Variants in GOLPH3L observed in about 807,000 individuals in gnomAD.
GOLPH3L encodes golgi phosphoprotein 3 like, also known as Golgi phosphoprotein 3-like.
A neutral mutation model predicts 30.3 loss-of-function variants in GOLPH3L; 22 were observed. The observed-to-expected ratio is 0.73, with a 90% confidence interval of 0.52 to 1.04. The LOEUF (loss-of-function observed/expected upper bound fraction) is 1.04. GOLPH3L is among the 50% of genes least tolerant of loss of function. The pLI is 0.00. For missense variants in GOLPH3L, 303 were observed against 345.8 expected (o/e 0.88, Z 0.98); for synonymous variants, 120 against 128.2 (o/e 0.94, Z 0.43).
chr1:150,689,345 A>G (rs1651158024), intron 2 of GOLPH3L, among the ~76,000 whole-genome samples: 1 of 152,356 alleles, frequency 6.6e-6, no homozygotes, highest in South Asian at 2.1e-4. Context: ...AAACGATTCT[A>G]ATAAATGAAA....
intron 4 of GOLPH3L, among the ~76,000 whole-genome samples, chr1:150,651,642 C>CAAAAAAAAA (rs59940841): frequency 3.3e-5 from 2 of 60,828 alleles, no homozygotes; most frequent in Non-Finnish European, 3.0e-5. Flanking sequence ...GAGCGAAACT[C>CAAAAAAAAA]AAAAAAAAAA....
At chr1:150,660,968 G>A (rs587666845) in intron 4 of GOLPH3L, among the ~76,000 whole-genome samples, 93 of 152,330 alleles carry the variant, frequency 6.1e-4, no homozygotes, top group African/African-American at 2.0e-3. Flanking sequence ...GGTGGCTCAC[G>A]CCTGTAATCC....
intron 4 of GOLPH3L, among the ~76,000 whole-genome samples, chr1:150,650,005 A>G (rs1650069495): frequency 6.6e-6 from 1 of 152,062 alleles, no homozygotes; most frequent in South Asian, 2.1e-4. Flanking sequence ...AAAAATAAAA[A>G]ATAAAAATAA....
intron 4 of GOLPH3L, among the ~76,000 whole-genome samples, chr1:150,654,298 G>C (rs1182088006): frequency 6.6e-6 from 1 of 151,494 alleles, no homozygotes; most frequent in Non-Finnish European, 1.5e-5. Context: ...CTTGAGGTCA[G>C]GAGTTCAAGA....
chr1:150,683,710 A>C (rs1651017076), intron 2 of GOLPH3L, among the ~76,000 whole-genome samples: 1 of 130,364 alleles, frequency 7.7e-6, no homozygotes, highest in African/African-American at 3.1e-5. Flanking sequence ...AAAAAAAAAA[A>C]AAAAAAAAAA....
At chr1:150,663,165 G>C (rs1481690124) in intron 3 of GOLPH3L, among the ~76,000 whole-genome samples, 1 of 151,798 alleles carries the variant, frequency 6.6e-6, no homozygotes, top group Non-Finnish European at 1.5e-5. Context: ...CTCCCGAGTA[G>C]CTGTGACTAC....
chr1:150,655,969 T>C (rs965795118), intron 4 of GOLPH3L, among the ~76,000 whole-genome samples: 4 of 152,248 alleles, frequency 2.6e-5, no homozygotes, highest in African/African-American at 9.6e-5. Context: ...TTACAATTCC[T>C]GCAGTAAACA....
At chr1:150,660,625 A>T (rs977618961) in intron 4 of GOLPH3L, among the ~76,000 whole-genome samples, 1 of 152,262 alleles carries the variant, frequency 6.6e-6, no homozygotes, top group Middle Eastern at 3.2e-3. Context: ...ATTTTGATAT[A>T]TGCTGTGACA....
chr1:150,654,749 C>A (rs930339262), intron 4 of GOLPH3L, among the ~76,000 whole-genome samples: 9 of 152,196 alleles, frequency 5.9e-5, no homozygotes, highest in African/African-American at 2.2e-4. Context: ...CTGTCCCCCG[C>A]CATAGCAGGT....
intron 2 of GOLPH3L, among the ~76,000 whole-genome samples, chr1:150,669,778 A>G (rs1296515269): frequency 6.6e-6 from 1 of 152,170 alleles, no homozygotes; most frequent in Non-Finnish European, 1.5e-5. Context: ...CCTGGCCAAC[A>G]TGATGAAACC....
rs587612292 is a variant in GOLPH3L, at chr1:150,684,754, G to A, written c.183+9902C>T. Among the ~76,000 whole-genome samples the A allele has an allele frequency of 1.1e-4, 16 of 151,464 alleles. No individual in the cohort carries two copies. In the East Asian group the frequency reaches 1.4e-3, roughly 13 times the overall value. On this transcript the variant is annotated intron_variant, in intron 2 of 4. Coordinates refer to ENST00000271732, the MANE Select transcript of GOLPH3L (RefSeq NM_018178.6). Reference sequence around the variant, plus strand: ...GCGATCTCAGCTCACTGCAAACTCCGCCTCCTGGGTTTAAGCAATTCTCCT... The same window carrying A: ...GCGATCTCAGCTCACTGCAAACTCCACCTCCTGGGTTTAAGCAATTCTCCT...
At chr1:150,653,921 C>T (rs1357567383) in intron 4 of GOLPH3L, among the ~76,000 whole-genome samples, 3 of 151,846 alleles carry the variant, frequency 2.0e-5, no homozygotes, top group African/African-American at 7.3e-5. Context: ...CACCACCACG[C>T]CCAGCTAATT....
intron 1 of GOLPH3L, among the ~76,000 whole-genome samples, chr1:150,695,681 T>C (rs1303257390): frequency 6.6e-6 from 1 of 152,164 alleles, no homozygotes; most frequent in African/African-American, 2.4e-5. Flanking sequence ...TAGAAATACA[T>C]GTTCTATATT....
At chr1:150,654,222 G>T (rs587599495) in intron 4 of GOLPH3L, among the ~76,000 whole-genome samples, 1 of 151,736 alleles carries the variant, frequency 6.6e-6, no homozygotes, top group Non-Finnish European at 1.5e-5. Context: ...AATATACTAG[G>T]GGGGCTGGGC....
intron 2 of GOLPH3L, among the ~76,000 whole-genome samples, chr1:150,668,319 C>T (rs1046935575): frequency 2.6e-5 from 4 of 152,186 alleles, no homozygotes; most frequent in African/African-American, 9.6e-5. Flanking sequence ...ATCTTTGACT[C>T]AAGGTTGGGA....
At chr1:150,691,619 A>G (rs1210302108) in intron 2 of GOLPH3L, among the ~76,000 whole-genome samples, 1 of 152,124 alleles carries the variant, frequency 6.6e-6, no homozygotes, top group East Asian at 1.9e-4. Context: ...CTTCCTAATT[A>G]CTAACACCCT....
At chr1:150,695,752 G>A (rs1285913748) in intron 1 of GOLPH3L, among the ~76,000 whole-genome samples, 4 of 152,024 alleles carry the variant, frequency 2.6e-5, no homozygotes, top group African/African-American at 9.7e-5. Flanking sequence ...AAGTCTAGAC[G>A]ATAACATTCA....
intron 2 of GOLPH3L, among the ~76,000 whole-genome samples, chr1:150,680,535 C>A (rs1054049993): frequency 1.3e-5 from 2 of 152,146 alleles, no homozygotes; most frequent in Non-Finnish European, 2.9e-5. Flanking sequence ...TTCTAGGAAA[C>A]ATTTTTCAGT....
chr1:150,649,609 C>T (rs187586272), intron 4 of GOLPH3L, among the ~76,000 whole-genome samples: 5 of 152,282 alleles, frequency 3.3e-5, no homozygotes, highest in Middle Eastern at 3.4e-3. Context: ...ATGACCAACA[C>T]TGGGGGTTGG....
Sources: allele counts gnomAD v4.1 joint callset (sites outside exome capture counted in the v4.1 genomes callset), GRCh38; gene constraint gnomAD v4.1.1; transcripts MANE v1.5; gene names NCBI Gene and HGNC (gene_info 2026-07-23, HGNC 2026-07-21).